The following CLVS1 variants were observed in gnomAD, a reference collection of about 807,000 sequenced individuals.
CLVS1 encodes clavesin 1, also known as clavesin-1.
CLVS1 carries 10 observed loss-of-function variants against 33.1 expected under a neutral mutation model. That is an observed-to-expected ratio of 0.30 (90% CI 0.19 to 0.51). The LOEUF (loss-of-function observed/expected upper bound fraction) is 0.51. Among genes scored for constraint, CLVS1 ranks in the 20% least tolerant of loss-of-function variants. The pLI is 0.97. For missense variants in CLVS1, 343 were observed against 433.4 expected (o/e 0.79, Z 1.85); for synonymous variants, 163 against 166.1 (o/e 0.98, Z 0.14).
intron 1 of CLVS1, among the ~76,000 whole-genome samples, chr8:61,066,367 G>A (rs1028666481): frequency 6.6e-6 from 1 of 152,126 alleles, no homozygotes; most frequent in Non-Finnish European, 1.5e-5. Context: ...GTGTGATGGT[G>A]TGTGCCTGTA....
At chr8:61,381,119 G>A (rs559250435) in intron 3 of CLVS1, among the ~76,000 whole-genome samples, 1 of 151,152 alleles carries the variant, frequency 6.6e-6, no homozygotes, top group African/African-American at 2.4e-5. Context: ...AACACTTGGT[G>A]CGTTCCTTAA....
chr8:61,262,562 T>C (rs1007538819), intron 2 of CLVS1, among the ~76,000 whole-genome samples: 1 of 152,142 alleles, frequency 6.6e-6, no homozygotes, highest in African/African-American at 2.4e-5. Flanking sequence ...TTTTTATTAC[T>C]TATTCTGAAA....
intron 2 of CLVS1, among the ~76,000 whole-genome samples, chr8:61,315,188 G>A (rs1191819816): frequency 6.6e-6 from 1 of 152,134 alleles, no homozygotes. Context: ...AACAGAAAGA[G>A]ACTTGTATCT....
chr8:61,328,316 A>G (rs1013721404), intron 2 of CLVS1, among the ~76,000 whole-genome samples: 2 of 152,174 alleles, frequency 1.3e-5, no homozygotes, highest in Admixed American at 1.3e-4. Flanking sequence ...CTAAAGGAAA[A>G]GAGGAGAGAG....
chr8:61,177,122 C>A (rs113760501), intron 2 of CLVS1, among the ~76,000 whole-genome samples: 15 of 152,334 alleles, frequency 9.8e-5, no homozygotes, highest in African/African-American at 3.4e-4. Flanking sequence ...ATTTCTATGG[C>A]TCCAGGCAAC....
rs76709111 is a variant in CLVS1 at position 61,215,771 on chromosome 8, G to C, written c.-151-83906G>C. ...TATTCATCCATGTAAAGGTTTCAAA[G>C]TCACTGCCAAGGGAGGTGGAATTTA... On this transcript the variant is annotated intron_variant, in intron 2 of 2. Coordinates refer to the CLVS1 transcript ENST00000522621. 2.2e-3 allele frequency among the ~76,000 whole-genome samples: 328 copies of C among 151,518 alleles called. 1 individual carries two copies. The highest frequency in any genetic ancestry group is 7.5e-3 in the African/African-American group (309 of 41,354).
chr8:61,452,752 C>T (rs990550797), intron 3 of CLVS1, among the ~76,000 whole-genome samples: 7 of 152,156 alleles, frequency 4.6e-5, no homozygotes, highest in Admixed American at 4.6e-4. Flanking sequence ...AAGGCAAAGG[C>T]CTTTTACTGA....
At chr8:61,041,830 T>C in the CLVS1 span, among the ~76,000 whole-genome samples, 1 of 152,190 alleles carries the variant, frequency 6.6e-6, no homozygotes, top group Non-Finnish European at 1.5e-5. Context: ...TGATTTGACT[T>C]CTTTTTCTAT....
chr8:61,420,349 C>T (rs1370525993), intron 3 of CLVS1, among the ~76,000 whole-genome samples: 1 of 152,174 alleles, frequency 6.6e-6, no homozygotes, highest in Non-Finnish European at 1.5e-5. Flanking sequence ...CCTGTAATCC[C>T]AGCACTTTGG....
At chr8:61,477,168 G>A (rs1817975813) in intron 5 of CLVS1, among the ~76,000 whole-genome samples, 2 of 152,184 alleles carry the variant, frequency 1.3e-5, no homozygotes, top group African/African-American at 4.8e-5. Flanking sequence ...TGGTGGATAA[G>A]CTTTTTGATG....
intron 1 of CLVS1, among the ~76,000 whole-genome samples, chr8:61,105,239 T>C (rs954602262): frequency 2.0e-5 from 3 of 152,216 alleles, no homozygotes; most frequent in African/African-American, 7.2e-5. Flanking sequence ...GAATTGAATT[T>C]GAAAAACAAA....
At chr8:61,184,102 T>A (rs1016802145) in intron 2 of CLVS1, among the ~76,000 whole-genome samples, 1 of 152,282 alleles carries the variant, frequency 6.6e-6, no homozygotes, top group Middle Eastern at 3.4e-3. Flanking sequence ...AGAACCTACT[T>A]GACCCCTTTC....
chr8:61,073,458 A>T (rs967764423), intron 1 of CLVS1, among the ~76,000 whole-genome samples: 1 of 152,232 alleles, frequency 6.6e-6, no homozygotes, highest in African/African-American at 2.4e-5. Context: ...CAACAAAGCC[A>T]CAAATGAGAC....
At chr8:61,255,535 T>C (rs1244044554) in intron 2 of CLVS1, among the ~76,000 whole-genome samples, 5 of 152,134 alleles carry the variant, frequency 3.3e-5, no homozygotes, top group African/African-American at 1.2e-4. Context: ...TAAGCAAAGG[T>C]ATAACATAAT....
intron 2 of CLVS1, among the ~76,000 whole-genome samples, chr8:61,309,983 C>A (rs1263227534): frequency 6.6e-6 from 1 of 152,106 alleles, no homozygotes; most frequent in Non-Finnish European, 1.5e-5. Flanking sequence ...GTTATAAGAA[C>A]TTGTAGCATG....
In CLVS1 at chr8:61,500,913, ATAT is replaced by A. The variant is rs878865237; in HGVS notation, c.*1377_*1379del. 2 of 152,220 alleles carry A rather than the reference ATAT, an allele frequency of 1.3e-5. No individual in the cohort carries two copies. The highest frequency in any genetic ancestry group is 4.8e-5 in the African/African-American group (2 of 41,456). The allele number at this position is 152,220 out of a possible 1,614,324, so 9.4% of individuals were successfully genotyped here. On this transcript the variant is annotated 3_prime_UTR_variant, in exon 6 of 6. Coordinates refer to ENST00000325897, the MANE Select transcript of CLVS1 (RefSeq NM_173519.3). ...CAACTGGTCATAATCACCCCTGATA[ATAT>A]TATTACTAATCTTAATTATTTATTA...
intron 3 of CLVS1, among the ~76,000 whole-genome samples, chr8:61,428,887 C>T (rs565585525): frequency 1.2e-4 from 19 of 152,238 alleles, no homozygotes; most frequent in African/African-American, 3.9e-4. Context: ...TTAAAACCCG[C>T]GTTATTCAAG....
intron 2 of CLVS1, among the ~76,000 whole-genome samples, chr8:61,204,375 G>T (rs181796219): frequency 7.9e-5 from 12 of 152,292 alleles, no homozygotes; most frequent in Admixed American, 2.0e-4. Flanking sequence ...GAAAATTGAT[G>T]GGGTTTCAGG....
chr8:61,253,465 C>T (rs187195861), intron 2 of CLVS1, among the ~76,000 whole-genome samples: 3 of 152,286 alleles, frequency 2.0e-5, no homozygotes, highest in African/African-American at 4.8e-5. Flanking sequence ...TGAATGTTGG[C>T]CTGCCTTTCT....
Sources: allele counts gnomAD v4.1 joint callset (sites outside exome capture counted in the v4.1 genomes callset), GRCh38; gene constraint gnomAD v4.1.1; transcripts MANE v1.5; gene names NCBI Gene and HGNC (gene_info 2026-07-23, HGNC 2026-07-21).